Variants in SORCS3 observed in about 807,000 individuals in gnomAD.
SORCS3 encodes the protein sortilin related VPS10 domain containing receptor 3.
SORCS3 carries 57 observed loss-of-function variants against 146.3 expected under a neutral mutation model. That is an observed-to-expected ratio of 0.39 (90% CI 0.31 to 0.49). The LOEUF (loss-of-function observed/expected upper bound fraction) is 0.49, where lower values mean the gene tolerates loss of function less well. Among genes scored for constraint, SORCS3 ranks in the 20% least tolerant of loss-of-function variants. SORCS3 has a pLI of 0.92. For synonymous variants in SORCS3, 653 were observed against 618.5 expected (o/e 1.06, Z -0.83); for missense variants, 1,341 against 1,575.5 (o/e 0.85, Z 2.52).
chr10:104,873,924 C>T (rs1053967844), intron 2 of SORCS3, among the ~76,000 whole-genome samples: 1 of 152,200 alleles, frequency 6.6e-6, no homozygotes, highest in African/African-American at 2.4e-5. Flanking sequence ...GAATTGCTAT[C>T]CCATGGATAT....
At chr10:105,188,430 A>T (rs1375633865) in intron 14 of SORCS3, among the ~76,000 whole-genome samples, 5 of 152,126 alleles carry the variant, frequency 3.3e-5, no homozygotes, top group Non-Finnish European at 5.9e-5. Context: ...TCTCCCTTTG[A>T]GGTTGTGATC....
chr10:104,922,506 A>G (rs1011179365), intron 3 of SORCS3, among the ~76,000 whole-genome samples: 1 of 152,210 alleles, frequency 6.6e-6, no homozygotes, highest in African/African-American at 2.4e-5. Context: ...TGGGCCAGGT[A>G]GAGACTTGGA....
intron 13 of SORCS3, among the ~76,000 whole-genome samples, chr10:105,172,152 T>G (rs1256987039): frequency 6.6e-6 from 1 of 152,312 alleles, no homozygotes; most frequent in East Asian, 1.9e-4. Flanking sequence ...CAGAGTTACG[T>G]ATGATTTTTA....
At chr10:105,089,664 T>A in intron 5 of SORCS3, 111 bp from the exon 6 acceptor site, 1 of 801,830 alleles carries the variant, frequency 1.2e-6, no homozygotes, top group Non-Finnish European at 2.1e-6. Context: ...TGCAGGATGG[T>A]CCTCTTTGAG....
intron 13 of SORCS3, among the ~76,000 whole-genome samples, chr10:105,174,319 G>A (rs1349516560): frequency 1.3e-5 from 2 of 151,964 alleles, no homozygotes. Flanking sequence ...CTTTGTCTTG[G>A]CCATTAATGA....
intron 6 of SORCS3, among the ~76,000 whole-genome samples, chr10:105,096,295 G>A (rs1224678076): frequency 6.6e-6 from 1 of 152,200 alleles, no homozygotes; most frequent in Non-Finnish European, 1.5e-5. Flanking sequence ...CTAGATCTGA[G>A]CTGGTTGAAC....
At chr10:104,682,334 C>T (rs2015988174) in intron 1 of SORCS3, among the ~76,000 whole-genome samples, 1 of 152,202 alleles carries the variant, frequency 6.6e-6, no homozygotes, top group Non-Finnish European at 1.5e-5. Context: ...GGCTGCATGG[C>T]CTGGACTCTT....
intron 4 of SORCS3, among the ~76,000 whole-genome samples, chr10:105,000,618 TAGCTAC>T (rs1336627529): frequency 2.0e-5 from 3 of 152,174 alleles, no homozygotes; most frequent in Admixed American, 6.6e-5. Context: ...ATCATATTCA[TAGCTAC>T]AGCTAGCTTG....
chr10:104,898,242 A>C (rs780348895), intron 2 of SORCS3, among the ~76,000 whole-genome samples: 17 of 152,208 alleles, frequency 1.1e-4, no homozygotes, highest in Non-Finnish European at 2.2e-4. Flanking sequence ...AAAAATATCT[A>C]TCTTATTATA....
At chr10:105,077,547 CACACACACACACACACACAG>C (rs967139809) in intron 5 of SORCS3, among the ~76,000 whole-genome samples, 5 of 116,784 alleles carry the variant, frequency 4.3e-5, no homozygotes, top group South Asian at 5.7e-4. Flanking sequence ...CACACACACA[CACACACACACACACACACAG>C]AGGGATGGTA....
intron 6 of SORCS3, among the ~76,000 whole-genome samples, chr10:105,101,674 C>G (rs950905442): frequency 6.6e-6 from 1 of 152,068 alleles, no homozygotes; most frequent in East Asian, 1.9e-4. Context: ...CTGGTGGCCT[C>G]GAATACACTT....
intron 1 of SORCS3, among the ~76,000 whole-genome samples, chr10:104,695,333 G>T (rs1420521339): frequency 6.6e-6 from 1 of 151,800 alleles, no homozygotes; most frequent in Admixed American, 6.6e-5. Flanking sequence ...TTGGTGGTTT[G>T]TTATTTGCTG....
chr10:104,906,877 G>T (rs958573918), intron 2 of SORCS3, among the ~76,000 whole-genome samples: 4 of 152,132 alleles, frequency 2.6e-5, no homozygotes, highest in Non-Finnish European at 5.9e-5. Flanking sequence ...GTAAATTCAA[G>T]TGCTTCTAGC....
At chr10:104,827,803 G>A (rs1347327719) in intron 1 of SORCS3, among the ~76,000 whole-genome samples, 2 of 152,212 alleles carry the variant, frequency 1.3e-5, no homozygotes, top group African/African-American at 2.4e-5. Flanking sequence ...CATTAATGAT[G>A]CAAGGTAGAT....
intron 7 of SORCS3, among the ~76,000 whole-genome samples, chr10:105,125,679 C>CCACA (rs71022752): frequency 2.6e-4 from 38 of 144,486 alleles, no homozygotes; most frequent in East Asian, 4.3e-4. Context: ...CACTGAATAT[C>CCACA]CACACACACA....
At chr10:105,181,039 G>A (rs1485989983) in intron 14 of SORCS3, among the ~76,000 whole-genome samples, 1 of 152,138 alleles carries the variant, frequency 6.6e-6, no homozygotes, top group Non-Finnish European at 1.5e-5. Context: ...GTGCACACGT[G>A]CACAGACATC....
At chr10:104,796,554 A>G (rs1343447712) in intron 1 of SORCS3, among the ~76,000 whole-genome samples, 2 of 151,898 alleles carry the variant, frequency 1.3e-5, no homozygotes, top group African/African-American at 4.8e-5. Context: ...TATTTTTATG[A>G]TTACTCTGCA....
At chr10:105,180,840 T>C (rs967157157) in intron 14 of SORCS3, among the ~76,000 whole-genome samples, 3 of 152,192 alleles carry the variant, frequency 2.0e-5, no homozygotes, top group Admixed American at 6.5e-5. Context: ...CTGATCTCAG[T>C]TTAAATATCA....
chr10:104,732,124 C>T (rs2016713113), intron 1 of SORCS3, among the ~76,000 whole-genome samples: 1 of 152,208 alleles, frequency 6.6e-6, no homozygotes, highest in South Asian at 2.1e-4. Context: ...GAGGACAGAA[C>T]ATCATCTTAT....
Sources: allele counts gnomAD v4.1 joint callset (sites outside exome capture counted in the v4.1 genomes callset), GRCh38; gene constraint gnomAD v4.1.1; transcripts MANE v1.5; gene names NCBI Gene and HGNC (gene_info 2026-07-23, HGNC 2026-07-21).